Variants in ZNF148 observed in about 807,000 individuals in gnomAD.
ZNF148 encodes Beta-Enolase Repressor Factor-1.
Under a neutral mutation model 67.7 loss-of-function variants are expected in ZNF148, and 7 were observed. That is an observed-to-expected ratio of 0.10 (90% CI 0.06 to 0.19). The LOEUF (loss-of-function observed/expected upper bound fraction) is 0.19. Among genes scored for constraint, ZNF148 ranks in the 10% least tolerant of loss-of-function variants. The pLI, the probability that ZNF148 is intolerant of heterozygous loss-of-function variation, is 1.00. For synonymous variants in ZNF148, 333 were observed against 330.7 expected (o/e 1.01, Z -0.08); for missense variants, 583 against 947.1 (o/e 0.62, Z 5.05).
intron 5 of ZNF148, 119 bp from the exon 6 acceptor site, chr3:125,279,366 T>C (rs763597827): frequency 5.9e-6 from 5 of 847,920 alleles, no homozygotes; most frequent in Non-Finnish European, 8.4e-6. Flanking sequence ...AAATATTTTG[T>C]TCTTAAATGA....
intron 7 of ZNF148, among the ~76,000 whole-genome samples, chr3:125,267,122 C>A (rs1937549793): frequency 6.7e-6 from 1 of 149,806 alleles, no homozygotes; most frequent in Non-Finnish European, 1.5e-5. Context: ...CAGCTGAATT[C>A]TACCAAATGT....
At chr3:125,347,879 C>A in intron 1 of ZNF148, among the ~76,000 whole-genome samples, 1 of 152,112 alleles carries the variant, frequency 6.6e-6, no homozygotes, top group East Asian at 1.9e-4. Flanking sequence ...AGAAAGAAGT[C>A]TTTTCAACAA....
At chr3:125,296,109 T>C (rs1939269208) in intron 4 of ZNF148, among the ~76,000 whole-genome samples, 1 of 151,332 alleles carries the variant, frequency 6.6e-6, no homozygotes, top group Admixed American at 6.6e-5. Flanking sequence ...CATCCCAGTA[T>C]CCTATCTAAA....
At chr3:125,354,378 C>T (rs532831209) in intron 1 of ZNF148, among the ~76,000 whole-genome samples, 104 of 152,190 alleles carry the variant, frequency 6.8e-4, no homozygotes, top group African/African-American at 2.3e-3. Context: ...ATTGAGGGAA[C>T]ACTTATTCTA....
intron 1 of ZNF148, among the ~76,000 whole-genome samples, chr3:125,367,140 A>G (rs1942727932): frequency 6.6e-6 from 1 of 152,140 alleles, no homozygotes; most frequent in Non-Finnish European, 1.5e-5. Flanking sequence ...TCATCCCATC[A>G]TTTTCTGAAA....
chr3:125,297,835 T>C (rs767525369), intron 4 of ZNF148, among the ~76,000 whole-genome samples: 9 of 152,154 alleles, frequency 5.9e-5, no homozygotes, highest in Admixed American at 2.6e-4. Context: ...AAGCTGAACA[T>C]AGGCATATCC....
In ZNF148 at chr3:125,227,143, C is replaced by G. The variant is rs1446079408; in HGVS notation, c.*5198G>C. 1 of 152,200 alleles carries G rather than the reference C, an allele frequency of 6.6e-6. No homozygotes were observed. Among genetic ancestry groups the G allele is most frequent in the Non-Finnish European group, 1.5e-5 (1 of 68,010 alleles). The allele number at this position is 152,200 out of a possible 1,614,324, so 9.4% of individuals were successfully genotyped here. A position where few individuals can be genotyped will look rare whatever the true frequency, so the allele number is the denominator to read the frequency against. ...CATTTTAGGAACTCTCAGTATTCAT[C>G]AAATATTTCCATTTCACTACCCACT... On this transcript the variant is annotated 3_prime_UTR_variant, in exon 9 of 9. Coordinates refer to ENST00000360647, the MANE Select transcript of ZNF148 (RefSeq NM_021964.3).
intron 4 of ZNF148, among the ~76,000 whole-genome samples, chr3:125,291,900 C>A (rs912459909): frequency 6.6e-6 from 1 of 151,852 alleles, no homozygotes; most frequent in African/African-American, 2.4e-5. Context: ...TAGGAAACAC[C>A]CAAGTTAAAT....
At chr3:125,242,843 T>A (rs750258129) in intron 7 of ZNF148, among the ~76,000 whole-genome samples, 5 of 152,220 alleles carry the variant, frequency 3.3e-5, no homozygotes, top group Admixed American at 6.5e-5. Flanking sequence ...CATGGGTCTA[T>A]CCCTAGACCT....
At chr3:125,283,925 G>T (rs1938523736) in intron 5 of ZNF148, among the ~76,000 whole-genome samples, 3 of 152,078 alleles carry the variant, frequency 2.0e-5, no homozygotes, top group Admixed American at 2.0e-4. Context: ...TTTGAATAAT[G>T]AATTTTTATT....
intron 4 of ZNF148, among the ~76,000 whole-genome samples, chr3:125,306,850 G>C (rs1276344558): frequency 6.6e-6 from 1 of 152,006 alleles, no homozygotes; most frequent in Non-Finnish European, 1.5e-5. Flanking sequence ...CTGGGCAACA[G>C]AGCAAGACCT....
At chr3:125,288,874 G>C (rs1406408844) in intron 4 of ZNF148, among the ~76,000 whole-genome samples, 1 of 152,116 alleles carries the variant, frequency 6.6e-6, no homozygotes, top group African/African-American at 2.4e-5. Context: ...CACTGTACAA[G>C]ACATGATGCT....
chr3:125,235,224 A>T (rs1936032166), intron 7 of ZNF148, among the ~76,000 whole-genome samples: 1 of 152,236 alleles, frequency 6.6e-6, no homozygotes. Flanking sequence ...TTGTTGTAGG[A>T]GGTTAAAAGT....
At chr3:125,358,360 T>A (rs12637629) in intron 1 of ZNF148, among the ~76,000 whole-genome samples, 1 of 152,064 alleles carries the variant, frequency 6.6e-6, no homozygotes, top group Non-Finnish European at 1.5e-5. Context: ...TTCCATGATA[T>A]CTCCCACTTT....
intron 1 of ZNF148, among the ~76,000 whole-genome samples, chr3:125,355,807 ATTG>A (rs1318828549): frequency 2.0e-5 from 3 of 152,162 alleles, no homozygotes; most frequent in Non-Finnish European, 4.4e-5. Flanking sequence ...TTAATTAAAT[ATTG>A]TTGTGTGTGG....
chr3:125,340,493 G>C (rs1941668320), intron 1 of ZNF148, among the ~76,000 whole-genome samples: 1 of 152,168 alleles, frequency 6.6e-6, no homozygotes, highest in Non-Finnish European at 1.5e-5. Flanking sequence ...ACCAGTAGGT[G>C]GGTCCCACCA....
intron 7 of ZNF148, among the ~76,000 whole-genome samples, chr3:125,259,851 T>C (rs1937256905): frequency 6.6e-6 from 1 of 152,196 alleles, no homozygotes; most frequent in Non-Finnish European, 1.5e-5. Context: ...TCAGCCTCTC[T>C]TGGCTTTCAA....
intron 1 of ZNF148, among the ~76,000 whole-genome samples, chr3:125,369,261 C>CCAAAA (rs1360206822): frequency 1.6e-4 from 2 of 12,888 alleles, no homozygotes; most frequent in Admixed American, 1.5e-3. Context: ...GATCCTGCCT[C>CCAAAA]AAAAAAAAAA....
At chr3:125,282,563 A>AT (rs917320187) in intron 5 of ZNF148, among the ~76,000 whole-genome samples, 5 of 151,938 alleles carry the variant, frequency 3.3e-5, no homozygotes, top group African/African-American at 9.7e-5. Flanking sequence ...AACACACTAC[A>AT]TTTTTTTTCT....
Sources: allele counts gnomAD v4.1 joint callset (sites outside exome capture counted in the v4.1 genomes callset), GRCh38; gene constraint gnomAD v4.1.1; transcripts MANE v1.5; gene names NCBI Gene and HGNC (gene_info 2026-07-23, HGNC 2026-07-21).